WSCD1: variants seen among roughly 807,000 people sequenced by gnomAD.
WSCD1 encodes sialate:O-sulfotransferase 1.
In WSCD1, 41 loss-of-function variants were observed where a neutral mutation model predicts 60.4. That is an observed-to-expected ratio of 0.68 (90% CI 0.53 to 0.88). The LOEUF is 0.88. Among genes scored for constraint, WSCD1 ranks in the 40% least tolerant of loss-of-function variants. The pLI is 0.00. For missense variants in WSCD1, 784 were observed against 796.2 expected (o/e 0.98, Z 0.18); for synonymous variants, 361 against 332.5 (o/e 1.09, Z -0.93).
chr17:6,086,725 T>A (rs748060666), intron 2 of WSCD1, among the ~76,000 whole-genome samples: 4 of 152,020 alleles, frequency 2.6e-5, no homozygotes, highest in Non-Finnish European at 5.9e-5. Context: ...CAGAAGTGGA[T>A]GGTTGGCAGA....
intron 1 of WSCD1, among the ~76,000 whole-genome samples, chr17:6,073,271 C>T (rs1908653490): frequency 6.6e-6 from 1 of 152,170 alleles, no homozygotes; most frequent in African/African-American, 2.4e-5. Flanking sequence ...CTTGAGACGA[C>T]CCTTAAGCTT....
rs1333273899 is a variant in WSCD1 at position 6,101,748 on chromosome 17, G to A, written c.849+6525G>A. Among the ~76,000 whole-genome samples, 2 of 152,142 alleles carry A rather than the reference G, an allele frequency of 1.3e-5. No homozygotes were observed. The highest frequency in any genetic ancestry group is 2.4e-5 in the African/African-American group (1 of 41,422). ...ACCTGCTCATTCTCAGTCCCCTTCA[G>A]GATCCTATCGGCTCCTTTGTTTCAA... On this transcript the variant is annotated intron_variant, in intron 5 of 8. Transcript: ENST00000317744. This position sits in a 1 kb window ranked among gnomAD's most constrained non-coding sequence, Gnocchi z 4.1.
In WSCD1 at chr17:6,120,744, G is replaced by A. The variant is rs965990836; in HGVS notation, c.*83G>A. ...GCTCCCCACTCTGATGCTCAGGCCC[G>A]TGGCCTCACTGGGACGAACGGTGGG... On this transcript the variant is annotated 3_prime_UTR_variant, in exon 9 of 9. Coordinates refer to ENST00000317744, the MANE Select transcript of WSCD1 (RefSeq NM_015253.2). 119 of 1,444,768 alleles carry A rather than the reference G, an allele frequency of 8.2e-5. No individual in the cohort carries two copies. The highest frequency in any genetic ancestry group is 3.5e-4 in the East Asian group (15 of 43,032). 89.5% of individuals were successfully genotyped at this position (1,444,768 alleles called of 1,614,324 possible). A position where few individuals can be genotyped will look rare whatever the true frequency, so the allele number is the denominator to read the frequency against.
At chr17:6,073,407 A>G (rs777945748) in intron 1 of WSCD1, among the ~76,000 whole-genome samples, 1 of 152,216 alleles carries the variant, frequency 6.6e-6, no homozygotes, top group Non-Finnish European at 1.5e-5. Flanking sequence ...AGGTGGGCAG[A>G]TCACCTGAGT....
At position 6,095,357 on chromosome 17, in the gene WSCD1, T is replaced by C. The variant is rs1020882420; in HGVS notation, c.849+134T>C. 5 of 1,258,698 alleles carry C rather than the reference T, an allele frequency of 4.0e-6. No homozygotes were observed. The African/African-American group carries it at 4.7e-5, about 12-fold the overall frequency. 78.0% of individuals were successfully genotyped at this position (1,258,698 alleles called of 1,614,324 possible). ...TGGGAGCAGAGGAAGGGGGCATGGA[T>C]GGGAGGCAGGCACCAGGTACCACAG... On this transcript the variant is annotated intron_variant, in intron 5 of 8. Transcript: ENST00000317744.
chr17:6,120,764 G>A lies in WSCD1; in HGVS notation c.*103G>A, dbSNP rs538434054. On this transcript the variant is annotated 3_prime_UTR_variant, in exon 9 of 9. Transcript: ENST00000317744. ...GGCCCGTGGCCTCACTGGGACGAAC[G>A]GTGGGTGGGGGGCTCACCCTGGTGC... 150 of 1,245,330 alleles carry A rather than the reference G, an allele frequency of 1.2e-4. No homozygotes were observed. The highest frequency in any genetic ancestry group is 1.0e-3 in the Middle Eastern group (4 of 3,960). 77.1% of individuals were successfully genotyped at this position (1,245,330 alleles called of 1,614,324 possible). A position where few individuals can be genotyped will look rare whatever the true frequency, so the allele number is the denominator to read the frequency against.
At chr17:6,077,170 C>G (rs1567548548) in intron 1 of WSCD1, among the ~76,000 whole-genome samples, 1 of 150,118 alleles carries the variant, frequency 6.7e-6, no homozygotes, top group African/African-American at 2.5e-5. Flanking sequence ...CTCACTGCAA[C>G]CTCCGCCTCC....
chr17:6,119,835 G>A (rs116097906), intron 8 of WSCD1, among the ~76,000 whole-genome samples: 426 of 152,212 alleles, frequency 2.8e-3, no homozygotes, highest in African/African-American at 9.6e-3. Context: ...TTATTGGGAT[G>A]ATTTCTGATA....
At chr17:6,090,172 A>C in intron 3 of WSCD1, 149 bp from the exon 4 acceptor site, 6 of 780,348 alleles carry the variant, frequency 7.7e-6, no homozygotes, top group Non-Finnish European at 9.5e-6. Flanking sequence ...CGTTGTGCAC[A>C]TGTACCCTAA....
chr17:6,093,724 G>T (rs957060465), intron 4 of WSCD1, among the ~76,000 whole-genome samples: 3 of 152,230 alleles, frequency 2.0e-5, no homozygotes, highest in Admixed American at 6.5e-5. Flanking sequence ...GGGGATGTGC[G>T]TGGGTATACA....
intron 7 of WSCD1, among the ~76,000 whole-genome samples, chr17:6,113,950 T>G (rs189827987): frequency 7.2e-4 from 109 of 151,952 alleles, no homozygotes; most frequent in Admixed American, 1.5e-3. Context: ...CAAAAAAAAG[T>G]AGAATTGTCA....
At chr17:6,074,907 G>A (rs1482618975) in intron 1 of WSCD1, among the ~76,000 whole-genome samples, 2 of 152,114 alleles carry the variant, frequency 1.3e-5, no homozygotes, top group Non-Finnish European at 2.9e-5. Flanking sequence ...AGAGGGGATG[G>A]GGTACAGAAG....
chr17:6,089,559 T>A (rs1909889583), intron 3 of WSCD1, among the ~76,000 whole-genome samples: 1 of 152,164 alleles, frequency 6.6e-6, no homozygotes, highest in Admixed American at 6.5e-5. Flanking sequence ...ATGTGACACG[T>A]GGCAGGCACT....
rs1211450496 is a variant in WSCD1, at chr17:6,080,898, G to A, written c.240G>A (p.Glu80=). The change falls in exon 2 of 9, where the codon GAG becomes GAA. Residue 80 remains glutamate, a synonymous_variant. Coordinates refer to ENST00000317744, the MANE Select transcript of WSCD1 (RefSeq NM_015253.2). The surrounding 1 kb of genome is among the most constrained non-coding windows in gnomAD (Gnocchi z 6.6). ...RALHDPRVSP[E]LLLGVDMLQS... is the part of the protein sequence containing the mutation. ...TGCACGACCCTCGAGTCAGCCCAGA[G>A]CTGCTGCTGGGTGTGGACATGCTGC... The A allele has an allele frequency of 2.5e-6, 4 of 1,599,600 alleles. No individual in the cohort carries two copies. The South Asian group carries it at 3.4e-5, about 13-fold the overall frequency.
intron 2 of WSCD1, among the ~76,000 whole-genome samples, chr17:6,085,291 T>G (rs1052044099): frequency 1.3e-5 from 2 of 152,240 alleles, no homozygotes; most frequent in South Asian, 2.1e-4. Flanking sequence ...GTTTTAATGA[T>G]GAAGAATTTG....
rs1041324876 is a variant in WSCD1 at position 6,109,740 on chromosome 17, G to A, written c.983G>A (p.Cys328Tyr). 1 of 1,614,056 alleles carries A rather than the reference G, an allele frequency of 6.2e-7. No individual in the cohort carries two copies. Among genetic ancestry groups the A allele is most frequent in the South Asian group, 1.1e-5 (1 of 91,058 alleles). The change falls in exon 6 of 9, where the codon TGT (cysteine) becomes TAT (tyrosine). Residue 328 changes from cysteine to tyrosine, a missense_variant. Cys to Tyr is a radical substitution (Grantham distance 194). Transcript: ENST00000317744. ...DPEAQRLAEY[C>Y]EVYQTPVQDT... ...GAGGCACAGAGGCTGGCAGAATACT[G>A]TGAGGTCTACCAGACACCTGTGCAA...
Position 6,080,528 on chromosome 17 carries a change from C to G in WSCD1, c.-131C>G, listed in dbSNP as rs1202486555. Reference sequence around the variant, plus strand: ...AAACGGGGCAGGAACAGTGAGTGACCCCAGGCGAGCACAGGCAGGTGCCAG... The same window carrying G: ...AAACGGGGCAGGAACAGTGAGTGACGCCAGGCGAGCACAGGCAGGTGCCAG... On this transcript the variant is annotated 5_prime_UTR_variant, in exon 2 of 9. Transcript: ENST00000317744. The surrounding 1 kb of genome is among the most constrained non-coding windows in gnomAD (Gnocchi z 6.6). 1 of 927,976 alleles carries G rather than the reference C, an allele frequency of 1.1e-6. No individual in the cohort carries two copies. The highest frequency in any genetic ancestry group is 1.6e-6 in the Non-Finnish European group (1 of 608,320). 57.5% of individuals were successfully genotyped at this position (927,976 alleles called of 1,614,324 possible).
rs1265329304 is a variant in WSCD1, at chr17:6,118,297, G to A, written c.1375+109G>A. ...GTAGGCACTGCAGGATGCAGGATCA[G>A]TATACACAGGTAGGCACTCAAACCC... On this transcript the variant is annotated intron_variant, in intron 8 of 8. Coordinates refer to ENST00000317744, the MANE Select transcript of WSCD1 (RefSeq NM_015253.2). The surrounding 1 kb of genome is among the most constrained non-coding windows in gnomAD (Gnocchi z 5.8). The A allele has an allele frequency of 8.5e-7, 1 of 1,180,324 alleles. No homozygotes were observed. The highest frequency in any genetic ancestry group is 1.5e-5 in the African/African-American group (1 of 66,382). 73.1% of individuals were successfully genotyped at this position (1,180,324 alleles called of 1,614,324 possible).
In WSCD1 at chr17:6,081,038, C is replaced by A. The variant is rs61735454; in HGVS notation, c.380C>A (p.Pro127Gln). 1 of 1,542,198 alleles carries A rather than the reference C, an allele frequency of 6.5e-7. No individual in the cohort carries two copies. Among genetic ancestry groups the A allele is most frequent in the Middle Eastern group, 1.7e-4 (1 of 5,984 alleles). ...CACTTCATGAGTGACTCCCAGGGACCGCCCGCCCTGGGCCCCGAGGCTGCC... is the reference window on the plus strand; with the variant it reads ...CACTTCATGAGTGACTCCCAGGGACAGCCCGCCCTGGGCCCCGAGGCTGCC... ...FHHFMSDSQGPPALGPEAARP... is the reference protein window; with the variant it reads ...FHHFMSDSQGQPALGPEAARP... Residue 127 changes from proline to glutamine, a missense_variant, in exon 2 of 9, where the codon CCG becomes CAG. By Grantham distance (76) the Pro-to-Gln change is moderately conservative. Coordinates refer to ENST00000317744, the MANE Select transcript of WSCD1 (RefSeq NM_015253.2).
Sources: gnomAD v4.1 joint callset for allele counts (sites outside exome capture counted in the v4.1 genomes callset) on GRCh38, gnomAD v4.1.1 for gene constraint, Gnocchi (gnomAD v3.1) non-coding constraint, MANE v1.5 for transcripts, NCBI Gene and HGNC (gene_info 2026-07-23, HGNC 2026-07-21) for gene names.